The following PLCB4 variants were observed in gnomAD, a reference collection of about 807,000 sequenced individuals.
The protein encoded by PLCB4 is phospholipase C beta 4, also known as 1-phosphatidylinositol 4,5-bisphosphate phosphodiesterase beta-4.
Under a neutral mutation model 178.8 loss-of-function variants are expected in PLCB4, and 77 were observed. The ratio of observed to expected loss-of-function variants is 0.43; its 90% CI spans 0.36 to 0.52. The LOEUF (loss-of-function observed/expected upper bound fraction) is 0.52. Among genes scored for constraint, PLCB4 ranks in the 20% least tolerant of loss-of-function variants. The pLI, the probability that PLCB4 is intolerant of heterozygous loss-of-function variation, is 0.00. For synonymous variants in PLCB4, 496 were observed against 490.8 expected (o/e 1.01, Z -0.14); for missense variants, 1,024 against 1,453.4 (o/e 0.70, Z 4.80).
intron 2 of PLCB4, among the ~76,000 whole-genome samples, chr20:9,115,012 C>T (rs193151867): frequency 1.3e-3 from 194 of 152,272 alleles, no homozygotes; most frequent in Non-Finnish European, 2.0e-3. Context: ...TATCCCTTCC[C>T]TTACTGTCAT....
At chr20:9,121,849 C>T (rs982806650) in intron 2 of PLCB4, among the ~76,000 whole-genome samples, 1 of 152,100 alleles carries the variant, frequency 6.6e-6, no homozygotes, top group Non-Finnish European at 1.5e-5. Context: ...AATGTTTATT[C>T]CTGACACCAA....
chr20:9,172,300 A>G (rs2147045556), intron 2 of PLCB4, among the ~76,000 whole-genome samples: 1 of 152,302 alleles, frequency 6.6e-6, no homozygotes, highest in South Asian at 2.1e-4. Flanking sequence ...ATAATAAGAG[A>G]GAAGTCACCA....
chr20:9,430,364 A>G (rs2041311330), intron 28 of PLCB4, among the ~76,000 whole-genome samples: 1 of 152,240 alleles, frequency 6.6e-6, no homozygotes, highest in South Asian at 2.1e-4. Context: ...AACAAACCTT[A>G]CTTTACACTT....
At chr20:9,233,014 C>A (rs1258845844) in intron 3 of PLCB4, among the ~76,000 whole-genome samples, 2 of 152,032 alleles carry the variant, frequency 1.3e-5, no homozygotes, top group African/African-American at 4.8e-5. Flanking sequence ...GTCATTCATT[C>A]CCCAGAGTGC....
At chr20:9,352,978 T>C (rs1018166780) in intron 7 of PLCB4, among the ~76,000 whole-genome samples, 4 of 152,220 alleles carry the variant, frequency 2.6e-5, no homozygotes, top group African/African-American at 9.6e-5. Context: ...AATTTTACTC[T>C]GTAGCTTCAG....
intron 12 of PLCB4, among the ~76,000 whole-genome samples, chr20:9,375,324 C>G (rs2036578718): frequency 6.6e-6 from 1 of 152,090 alleles, no homozygotes; most frequent in Non-Finnish European, 1.5e-5. Context: ...ACAGAGCTCA[C>G]TCAAGAAAGA....
intron 31 of PLCB4, 56 bp from the exon 32 acceptor site, chr20:9,444,122 T>G: frequency 6.8e-7 from 1 of 1,461,228 alleles, no homozygotes; most frequent in Non-Finnish European, 9.5e-7. Flanking sequence ...GTAATCATTG[T>G]GATTACAAAA....
intron 20 of PLCB4, among the ~76,000 whole-genome samples, chr20:9,402,067 G>A (rs2076236): frequency 0.46 from 69,476 of 152,068 alleles, 18,753 homozygotes; most frequent in African/African-American, 0.77. Context: ...CTTACCTTTT[G>A]TCAGGCATAG....
At chr20:9,341,022 G>A (rs961962338) in intron 7 of PLCB4, among the ~76,000 whole-genome samples, 3 of 152,112 alleles carry the variant, frequency 2.0e-5, no homozygotes, top group Non-Finnish European at 4.4e-5. Flanking sequence ...GGAACTCTGA[G>A]ACCACACAGC....
chr20:9,457,206 T>G (rs1485636923), intron 33 of PLCB4, among the ~76,000 whole-genome samples: 1 of 152,172 alleles, frequency 6.6e-6, no homozygotes, highest in Non-Finnish European at 1.5e-5. Context: ...AGTGCCTCTT[T>G]GTATAGTGGT....
intron 12 of PLCB4, among the ~76,000 whole-genome samples, 157 bp downstream of exon 12, chr20:9,373,261 C>T (rs2036399483): frequency 6.6e-6 from 1 of 152,196 alleles, no homozygotes; most frequent in Non-Finnish European, 1.5e-5. Flanking sequence ...AAATCAGCTG[C>T]CGCCCTGTGT....
chr20:9,421,452 A>G lies in PLCB4; in HGVS notation c.2310A>G (p.Val770=). 1 of 1,612,378 alleles carries G rather than the reference A, an allele frequency of 6.2e-7. No individual in the cohort carries two copies. Among genetic ancestry groups the G allele is most frequent in the Non-Finnish European group, 8.5e-7 (1 of 1,178,936 alleles). The change falls in exon 27 of 40, where the codon GTA becomes GTG. Residue 770 remains valine (V), a synonymous_variant. Coordinates refer to ENST00000378473, the MANE Select transcript of PLCB4 (RefSeq NM_001377142.1). ...CAGTTTACAATGAAGAGTCATTTGT[A>G]TTTCGGAAGGTAGGACATTTTCAGC... is the stretch of plus-strand genomic sequence containing the variant. The part of the protein sequence containing the change: ...LNPVYNEESF[V]FRKVILPDLA...
intron 7 of PLCB4, among the ~76,000 whole-genome samples, chr20:9,342,458 T>G (rs1427151338): frequency 6.6e-6 from 1 of 152,160 alleles, no homozygotes; most frequent in Non-Finnish European, 1.5e-5. Flanking sequence ...GCCCATGCAA[T>G]GAGAAGGTGC....
At chr20:9,431,387 G>A (rs892222413) in intron 28 of PLCB4, among the ~76,000 whole-genome samples, 2 of 151,992 alleles carry the variant, frequency 1.3e-5, no homozygotes, top group African/African-American at 4.8e-5. Flanking sequence ...ATAACATCAC[G>A]TTCTGAAGTT....
intron 4 of PLCB4, among the ~76,000 whole-genome samples, chr20:9,327,085 G>A (rs2030722011): frequency 6.6e-6 from 1 of 151,920 alleles, no homozygotes; most frequent in South Asian, 2.1e-4. Flanking sequence ...GTCTTTGATG[G>A]TTAATAATAA....
rs562637780 is a variant in PLCB4 at position 9,085,254 on chromosome 20, T to G, written c.-134-11033T>G. The stretch of plus-strand genomic sequence containing the variant: ...GGTCACATAATAAAGGTTCTTCTCC[T>G]TTACATATGTGCGTGAACTTTCAGT... On this transcript the variant is annotated intron_variant, in intron 1 of 39. Transcript: ENST00000378473. Among the ~76,000 whole-genome samples, 372 of 152,242 alleles carry G rather than the reference T, an allele frequency of 2.4e-3. 1 individual carries two copies. Among genetic ancestry groups the G allele is most frequent in the African/African-American group, 8.2e-3 (340 of 41,530 alleles).
chr20:9,468,731 C>T, intron 36 of PLCB4, 59 bp downstream of exon 36: 2 of 979,938 alleles, frequency 2.0e-6, no homozygotes, highest in South Asian at 1.3e-5. Flanking sequence ...ACAGTCTCAA[C>T]TTTCTTTATG....
intron 3 of PLCB4, among the ~76,000 whole-genome samples, chr20:9,270,126 T>C (rs1169047787): frequency 6.6e-6 from 1 of 152,180 alleles, no homozygotes; most frequent in African/African-American, 2.4e-5. Context: ...ACTACCTGTC[T>C]ATGACAGCTT....
chr20:9,371,135 A>T, intron 9 of PLCB4, 79 bp from the exon 10 acceptor site: 1 of 891,634 alleles, frequency 1.1e-6, no homozygotes. Flanking sequence ...CACTCTCCAT[A>T]GTAGGACCTG....
Sources: gnomAD v4.1 joint callset for allele counts (sites outside exome capture counted in the v4.1 genomes callset) on GRCh38, gnomAD v4.1.1 for gene constraint, MANE v1.5 for transcripts, NCBI Gene and HGNC (gene_info 2026-07-23, HGNC 2026-07-21) for gene names.